Variants in SPATA13 observed in about 807,000 individuals in gnomAD.
The protein encoded by SPATA13 is spermatogenesis associated 13.
In SPATA13, 50 loss-of-function variants were observed where a neutral mutation model predicts 104.0. The observed-to-expected ratio is 0.48, with a 90% CI of 0.38 to 0.61. The LOEUF (loss-of-function observed/expected upper bound fraction) is 0.61. SPATA13 is among the 20% of genes least tolerant of loss of function. The probability of loss-of-function intolerance (pLI) is 0.00; values close to 1 mark genes in which losing one functional copy is unlikely to be tolerated. For missense variants in SPATA13, 1,524 were observed against 1,690.6 expected (o/e 0.90, Z 1.73); for synonymous variants, 606 against 667.5 (o/e 0.91, Z 1.42).
intron 3 of SPATA13, among the ~76,000 whole-genome samples, chr13:24,076,181 C>A (rs1566094324): frequency 6.6e-6 from 1 of 152,106 alleles, no homozygotes; most frequent in Non-Finnish European, 1.5e-5. Context: ...TTGAGGAAAA[C>A]AACAGAAACA....
In SPATA13 at chr13:24,040,174, G is replaced by A. The variant is rs114547613; in HGVS notation, c.-112+22473G>A. On this transcript the variant is annotated intron_variant, in intron 3 of 14. Coordinates refer to the SPATA13 transcript ENST00000424834. ...TGGGTGGCCAAACCAAATGGCGAGT[G>A]CCCTATGCCAGCAAAACCAGAGAGA... is the stretch of plus-strand genomic sequence containing the variant. 6.7e-3 allele frequency among the ~76,000 whole-genome samples: 1,019 copies of A among 152,310 alleles called. 20 individuals carry two copies. Among genetic ancestry groups the A allele is most frequent in the African/African-American group, 0.022 (894 of 41,556 alleles).
chr13:24,076,660 C>T (rs977891217), intron 3 of SPATA13, among the ~76,000 whole-genome samples: 5 of 151,394 alleles, frequency 3.3e-5, no homozygotes, highest in African/African-American at 9.7e-5. Flanking sequence ...AATGCAGAAA[C>T]GAAGACAATG....
rs763204181 is a variant in SPATA13, at chr13:24,297,575, C to T, written c.3423C>T (p.Arg1141=). 12 of 1,614,050 alleles carry T rather than the reference C, an allele frequency of 7.4e-6. No homozygotes were observed. Among genetic ancestry groups the T allele is most frequent in the East Asian group, 4.5e-5 (2 of 44,894 alleles). Residue 1141 remains arginine (R), a synonymous_variant, in exon 11 of 13, where the codon CGC becomes CGT. Transcript: ENST00000382108. ...AGCTTGTGGACCTGGGGGATGGGCG[C>T]GACAAGGACTGCAACCTCAGCGTGA... The part of the protein sequence containing the change: ...EMELVDLGDG[R]DKDCNLSVKN...
At chr13:24,060,379 G>A (rs935830698) in intron 3 of SPATA13, among the ~76,000 whole-genome samples, 2 of 152,320 alleles carry the variant, frequency 1.3e-5, no homozygotes, top group Non-Finnish European at 2.9e-5. Flanking sequence ...CTAGCTAACC[G>A]TATGAAGGAG....
chr13:24,251,812 C>A lies in SPATA13; in HGVS notation c.2114C>A (p.Pro705His), dbSNP rs1043971889. ...FRPFTFSQST[P>H]IGLDRVGRRR... ...CCCTTCACATTCTCCCAGAGCACCCCCATTGGGTTGGACCGTGTGGGACGC... is the reference window on the plus strand; with the variant it reads ...CCCTTCACATTCTCCCAGAGCACCCACATTGGGTTGGACCGTGTGGGACGC... Residue 705 changes from proline (P) to histidine (H), a missense_variant, in exon 4 of 13, where the codon CCC (proline) becomes CAC (histidine). By Grantham distance (77) the Pro-to-His change is moderately conservative (BLOSUM62 -2). This residue lies in a region of SPATA13 where 1,089 missense variants were observed against 1,135.9 expected (regional missense o/e 0.96). Coordinates refer to ENST00000382108, the MANE Select transcript of SPATA13 (RefSeq NM_001166271.3). 1.2e-6 allele frequency: 2 copies of A among 1,614,180 alleles called. No individual in the cohort carries two copies. The highest frequency in any genetic ancestry group is 1.7e-6 in the Non-Finnish European group (2 of 1,180,008).
chr13:24,266,920 G>A (rs910755460), intron 4 of SPATA13, among the ~76,000 whole-genome samples: 5 of 151,854 alleles, frequency 3.3e-5, no homozygotes, highest in African/African-American at 1.2e-4. Flanking sequence ...GCCTCCCAAA[G>A]TGCTGGGATT....
At chr13:24,235,517 T>G (rs1330967712) in intron 2 of SPATA13, among the ~76,000 whole-genome samples, 1 of 152,154 alleles carries the variant, frequency 6.6e-6, no homozygotes, top group Non-Finnish European at 1.5e-5. Flanking sequence ...CCCAGCACTT[T>G]GGGAGGTCAA....
At chr13:23,997,551 CA>C (rs763354718) in intron 2 of SPATA13, among the ~76,000 whole-genome samples, 1 of 8,710 alleles carries the variant, frequency 1.1e-4, no homozygotes, top group South Asian at 1.4e-3. Flanking sequence ...GTCCATTTTG[CA>C]TTGCTATAGA....
At chr13:24,096,361 A>C (rs1176112089) in intron 3 of SPATA13, among the ~76,000 whole-genome samples, 1 of 152,170 alleles carries the variant, frequency 6.6e-6, no homozygotes, top group African/African-American at 2.4e-5. Context: ...TTTGAGAGGC[A>C]GATGCAGGTG....
intron 3 of SPATA13, among the ~76,000 whole-genome samples, chr13:24,063,253 A>G (rs1878839413): frequency 6.6e-6 from 1 of 152,112 alleles, no homozygotes; most frequent in South Asian, 2.1e-4. Flanking sequence ...CAAAGAGAGC[A>G]CTCACTAGGG....
At chr13:24,273,895 G>T (rs1268183310) in intron 4 of SPATA13, among the ~76,000 whole-genome samples, 1 of 152,108 alleles carries the variant, frequency 6.6e-6, no homozygotes, top group African/African-American at 2.4e-5. Context: ...TTGCTATGTT[G>T]CCCAGGCTGG....
chr13:24,146,121 C>T (rs2138464477), intron 3 of SPATA13, among the ~76,000 whole-genome samples: 1 of 152,296 alleles, frequency 6.6e-6, no homozygotes, highest in African/African-American at 2.4e-5. Context: ...GAGGATGATA[C>T]ACAGGAGAAA....
intron 1 of SPATA13, among the ~76,000 whole-genome samples, chr13:24,183,118 G>T (rs1868916171): frequency 6.6e-6 from 1 of 152,190 alleles, no homozygotes; most frequent in Admixed American, 6.5e-5. Context: ...TATAACTTTT[G>T]AGGGGTTATA....
intron 2 of SPATA13, among the ~76,000 whole-genome samples, chr13:24,009,912 A>T (rs1013084189): frequency 2.6e-5 from 4 of 152,200 alleles, no homozygotes; most frequent in South Asian, 2.1e-4. Flanking sequence ...GCCCTTGGCC[A>T]AGAGGAGACA....
At chr13:24,294,670 G>A in intron 9 of SPATA13, 69 bp from the exon 10 acceptor site, 1 of 1,506,346 alleles carries the variant, frequency 6.6e-7, no homozygotes, top group Non-Finnish European at 9.0e-7. Context: ...GCGCCCCAGT[G>A]GATTATTTTG....
At chr13:24,249,972 C>T (rs1873393542) in intron 3 of SPATA13, 130 bp downstream of exon 3, 1 of 1,202,548 alleles carries the variant, frequency 8.3e-7, no homozygotes, top group Non-Finnish European at 1.1e-6. Context: ...TACTTAACCA[C>T]CTTTTCTTCC....
chr13:24,195,388 A>G (rs1869998259), intron 1 of SPATA13, among the ~76,000 whole-genome samples: 1 of 152,212 alleles, frequency 6.6e-6, no homozygotes, highest in African/African-American at 2.4e-5. Context: ...CCCTTTGACC[A>G]TTATGAATAA....
chr13:24,082,826 CAAAAAAAAAAA>C (rs3075296), intron 3 of SPATA13, among the ~76,000 whole-genome samples: 19 of 50,064 alleles, frequency 3.8e-4, no homozygotes, highest in Middle Eastern at 0.048. Flanking sequence ...GACTCCGTCT[CAAAAAAAAAAA>C]AAAAAAAAAA....
chr13:24,009,811 T>C (rs1216650351), intron 2 of SPATA13, among the ~76,000 whole-genome samples: 2 of 152,198 alleles, frequency 1.3e-5, no homozygotes, highest in African/African-American at 4.8e-5. Flanking sequence ...TCGGCTTTTT[T>C]TGAATTCCAA....
Sources: allele counts gnomAD v4.1 joint callset (sites outside exome capture counted in the v4.1 genomes callset), GRCh38; gene constraint gnomAD v4.1.1; regional missense constraint gnomAD v4.1.1; transcripts MANE v1.5; gene names NCBI Gene and HGNC (gene_info 2026-07-23, HGNC 2026-07-21).